Variants in MYO9B observed in about 807,000 individuals in gnomAD.
MYO9B encodes unconventional myosin-IXb.
A neutral mutation model predicts 229.5 loss-of-function variants in MYO9B; 71 were observed. That is an observed-to-expected ratio of 0.31 (90% CI 0.26 to 0.38). MYO9B has a LOEUF of 0.38. Ranked by LOEUF, MYO9B falls within the 10% of genes least tolerant of loss-of-function variation. The probability of loss-of-function intolerance (pLI) is 1.00; values close to 1 mark genes in which losing one functional copy is unlikely to be tolerated. For synonymous variants in MYO9B, 1,185 were observed against 1,235.8 expected (o/e 0.96, Z 0.86); for missense variants, 2,255 against 2,920.5 (o/e 0.77, Z 5.25).
rs1183418269 is a variant in MYO9B, at chr19:17,177,290, T to G, written c.2219+1549T>G. 2.0e-5 allele frequency among the ~76,000 whole-genome samples: 3 copies of G among 151,848 alleles called. No homozygotes were observed. The East Asian group carries it at 5.8e-4, about 29-fold the overall frequency. On this transcript the variant is annotated intron_variant, in intron 14 of 39. Coordinates refer to ENST00000682292, the MANE Select transcript of MYO9B (RefSeq NM_004145.4). ...CTCTGTTGTTTTTGTTTGTTGGTTTTTTTTTTTTTTTGGTCCCCCAAGTTC... is the reference window on the plus strand; with the variant it reads ...CTCTGTTGTTTTTGTTTGTTGGTTTGTTTTTTTTTTTGGTCCCCCAAGTTC...
At chr19:17,157,174 A>G in intron 7 of MYO9B, 136 bp downstream of exon 7, 1 of 1,090,458 alleles carries the variant, frequency 9.2e-7, no homozygotes, top group South Asian at 1.7e-5. Flanking sequence ...TTCCGCTATC[A>G]TCTCTACAGT....
intron 1 of MYO9B, among the ~76,000 whole-genome samples, chr19:17,085,661 TAAA>T (rs71180356): frequency 2.1e-5 from 3 of 142,292 alleles, no homozygotes; most frequent in Admixed American, 7.0e-5. Context: ...CCGTCTTTAA[TAAA>T]AAAAAAAAAA....
chr19:17,119,303 CG>C (rs1450364514), intron 2 of MYO9B, among the ~76,000 whole-genome samples: 1 of 152,202 alleles, frequency 6.6e-6, no homozygotes, highest in African/African-American at 2.4e-5. Context: ...TCCAGGATGA[CG>C]GGCAAGCATG....
At chr19:17,135,783 C>T (rs753614763) in intron 2 of MYO9B, among the ~76,000 whole-genome samples, 3 of 152,080 alleles carry the variant, frequency 2.0e-5, no homozygotes, top group East Asian at 1.9e-4. Context: ...TATCCCAAGG[C>T]GTTCCCTGTG....
intron 3 of MYO9B, among the ~76,000 whole-genome samples, chr19:17,147,334 G>A (rs1446544694): frequency 6.6e-6 from 1 of 151,980 alleles, no homozygotes. Flanking sequence ...CCTGAAGTCG[G>A]GAGTTCAAGA....
In MYO9B at chr19:17,198,235, CAGA is replaced by C. The variant is rs776648474; in HGVS notation, c.4174_4176del (p.Lys1392del). The stretch of plus-strand genomic sequence containing the variant: ...GCGAAGTGCGAAAAAGCCAGCTGTC[CAGA>C]AGAAGAAGCCAGGCGACGCATCCTC... On this transcript the variant is annotated inframe_deletion, in exon 24 of 40. Transcript: ENST00000682292. The C allele has an allele frequency of 2.6e-5, 42 of 1,613,878 alleles. No homozygotes were observed. The highest frequency in any genetic ancestry group is 1.7e-4 in the Admixed American group (10 of 59,994).
At chr19:17,145,953 TGATG>T (rs149312996) in intron 3 of MYO9B, among the ~76,000 whole-genome samples, 42 of 148,962 alleles carry the variant, frequency 2.8e-4, no homozygotes, top group South Asian at 4.3e-4. Flanking sequence ...GATGGATGGA[TGATG>T]GATGGATGGA....
At position 17,184,992 on chromosome 19, in the gene MYO9B, G is replaced by T; in HGVS notation, c.2496+5G>T. 6.2e-7 allele frequency: 1 copy of T among 1,613,878 alleles called. No individual in the cohort carries two copies. Among genetic ancestry groups the T allele is most frequent in the Non-Finnish European group, 8.5e-7 (1 of 1,179,806 alleles). ...AGCATCAGCGCCCAGTTCCAGGTAG[G>T]TGGAGCAGGAGAGGCAGAAGGTGGC... On this transcript the variant is annotated splice_donor_5th_base_variant and intron_variant, in intron 17 of 39. Coordinates refer to ENST00000682292, the MANE Select transcript of MYO9B (RefSeq NM_004145.4).
chr19:17,122,696 G>A (rs547682832), intron 2 of MYO9B, among the ~76,000 whole-genome samples: 14 of 152,208 alleles, frequency 9.2e-5, no homozygotes, highest in Non-Finnish European at 1.3e-4. Flanking sequence ...CATAGACACA[G>A]ACAGCCAATG....
At chr19:17,174,022 CTTTTTTTTTTTTTT>C (rs11313520) in intron 13 of MYO9B, among the ~76,000 whole-genome samples, 1 of 64,734 alleles carries the variant, frequency 1.5e-5, no homozygotes, top group South Asian at 7.0e-4. Flanking sequence ...TGATGAGCTG[CTTTTTTTTTTTTTT>C]TTTTTTTTTT....
intron 34 of MYO9B, 61 bp from the exon 35 acceptor site, chr19:17,207,052 G>T: frequency 6.3e-7 from 1 of 1,585,532 alleles, no homozygotes; most frequent in Non-Finnish European, 8.6e-7. Context: ...TCAGTCTCGG[G>T]GCTCCCTGGT....
At chr19:17,211,854 G>T in intron 39 of MYO9B, 41 bp from the exon 40 acceptor site, 1 of 1,603,142 alleles carries the variant, frequency 6.2e-7, no homozygotes, top group South Asian at 1.1e-5. Flanking sequence ...CCGGCTGCCG[G>T]CCCTGAAGCT....
At chr19:17,139,257 T>C (rs777232935) in intron 2 of MYO9B, among the ~76,000 whole-genome samples, 2 of 152,162 alleles carry the variant, frequency 1.3e-5, no homozygotes, top group African/African-American at 2.4e-5. Context: ...CTGAATACTG[T>C]GGGCAGTTGT....
intron 38 of MYO9B, 87 bp downstream of exon 38, chr19:17,210,935 G>T: frequency 6.9e-7 from 1 of 1,458,692 alleles, no homozygotes; most frequent in Non-Finnish European, 9.3e-7. Flanking sequence ...GCTTGACCTC[G>T]CCAGGTTTGG....
Position 17,172,230 on chromosome 19 carries a change from C to T in MYO9B, c.1794-106C>T, listed in dbSNP as rs2072732493. ...TGTGCCACTTCACTGCTCTGCCCAC[C>T]CCATGCACCCACCCACCTCGTGCAC... On this transcript the variant is annotated intron_variant, in intron 11 of 39. Transcript: ENST00000682292. The surrounding 1 kb of genome is among the most constrained non-coding windows in gnomAD (Gnocchi z 8.2). The T allele has an allele frequency of 1.4e-6, 2 of 1,445,064 alleles. No individual in the cohort carries two copies. Among genetic ancestry groups the T allele is most frequent in the South Asian group, 2.7e-5 (2 of 74,892 alleles). 89.5% of individuals were successfully genotyped at this position (1,445,064 alleles called of 1,614,324 possible). A position where few individuals can be genotyped will look rare whatever the true frequency, so the allele number is the denominator to read the frequency against.
rs2145024875 is a variant in MYO9B at position 17,101,031 on chromosome 19, AG to A, written c.-58-626del. On this transcript the variant is annotated intron_variant, in intron 1 of 39. Coordinates refer to ENST00000682292, the MANE Select transcript of MYO9B (RefSeq NM_004145.4). The surrounding 1 kb of genome is among the most constrained non-coding windows in gnomAD (Gnocchi z 4.7). ...AGGTCAGGAAGGATGTGGGCTGGGAAGGGCATAGCAGAAAGAGGGTCATGGC... is the reference window on the plus strand; with the variant it reads ...AGGTCAGGAAGGATGTGGGCTGGGAAGGCATAGCAGAAAGAGGGTCATGGC... Among the ~76,000 whole-genome samples the A allele has an allele frequency of 6.8e-6, 1 of 147,906 alleles. No homozygotes were observed. The highest frequency in any genetic ancestry group is 2.5e-5 in the African/African-American group (1 of 40,484).
At chr19:17,167,270 C>T (rs2072669714) in intron 10 of MYO9B, among the ~76,000 whole-genome samples, 1 of 149,662 alleles carries the variant, frequency 6.7e-6, no homozygotes, top group African/African-American at 2.5e-5. Context: ...TGGACTCAAG[C>T]CATCCTCCAG....
intron 19 of MYO9B, among the ~76,000 whole-genome samples, chr19:17,190,447 G>A (rs943295943): frequency 1.4e-4 from 21 of 144,924 alleles, no homozygotes; most frequent in African/African-American, 5.2e-4. Flanking sequence ...TGGCAACATG[G>A]CAAAACCCTG....
intron 9 of MYO9B, 78 bp from the exon 10 acceptor site, chr19:17,162,910 A>G: frequency 2.0e-6 from 3 of 1,510,336 alleles, no homozygotes; most frequent in Non-Finnish European, 2.7e-6. Context: ...CACAGCCTGT[A>G]GAGCCAACCC....
Sources: allele counts gnomAD v4.1 joint callset (sites outside exome capture counted in the v4.1 genomes callset), GRCh38; gene constraint gnomAD v4.1.1; non-coding constraint Gnocchi (gnomAD v3.1); transcripts MANE v1.5; gene names NCBI Gene and HGNC (gene_info 2026-07-23, HGNC 2026-07-21).